HSF2BP: variants seen among roughly 807,000 people sequenced by gnomAD.
HSF2BP encodes the protein heat shock transcription factor 2 binding protein, also known as heat shock factor 2-binding protein.
A neutral mutation model predicts 35.0 loss-of-function variants in HSF2BP; 35 were observed. That is an observed-to-expected ratio of 1.00 (90% CI 0.76 to 1.32). HSF2BP has a LOEUF of 1.32. Among genes scored for constraint, HSF2BP ranks in the 40% most tolerant of loss-of-function variants. HSF2BP has a pLI of 0.00. For missense variants in HSF2BP, 326 were observed against 321.7 expected (o/e 1.01, Z -0.10); for synonymous variants, 114 against 117.4 (o/e 0.97, Z 0.18).
intron 3 of HSF2BP, among the ~76,000 whole-genome samples, chr21:43,654,576 C>T (rs1366100174): frequency 3.3e-5 from 5 of 152,150 alleles, no homozygotes; most frequent in African/African-American, 1.2e-4. Context: ...TGGTCTTCCT[C>T]ACTGCAAAGA....
intron 8 of HSF2BP, among the ~76,000 whole-genome samples, chr21:43,584,986 T>TTTATTTA (rs2081829061): frequency 7.0e-6 from 1 of 142,994 alleles, no homozygotes; most frequent in Admixed American, 6.7e-5. Context: ...CTAGGTATAA[T>TTTATTTA]TTTATTTAAT....
chr21:43,653,534 ACT>A (rs2082825173), intron 3 of HSF2BP, among the ~76,000 whole-genome samples: 1 of 152,180 alleles, frequency 6.6e-6, no homozygotes, highest in African/African-American at 2.4e-5. Context: ...TTAGGCAGTG[ACT>A]CTGAGCCGGG....
chr21:43,658,006 G>T, intron 2 of HSF2BP, 55 bp downstream of exon 2: 1 of 1,534,340 alleles, frequency 6.5e-7, no homozygotes, highest in South Asian at 1.2e-5. Flanking sequence ...GCCCTGAGGG[G>T]AGCGAATGGC....
At chr21:43,595,793 C>T (rs907162463) in intron 7 of HSF2BP, among the ~76,000 whole-genome samples, 1 of 116,594 alleles carries the variant, frequency 8.6e-6, no homozygotes, top group East Asian at 2.8e-4. Flanking sequence ...GGCGCCATCT[C>T]GGCTCACTGC....
intron 7 of HSF2BP, among the ~76,000 whole-genome samples, chr21:43,599,952 C>G (rs1228812442): frequency 1.3e-5 from 2 of 151,562 alleles, no homozygotes; most frequent in African/African-American, 4.9e-5. Context: ...CTAACAGGCT[C>G]CAAAAGAGCA....
At chr21:43,637,475 C>T (rs2082578725) in intron 4 of HSF2BP, among the ~76,000 whole-genome samples, 1 of 135,036 alleles carries the variant, frequency 7.4e-6, no homozygotes, top group Non-Finnish European at 1.5e-5. Flanking sequence ...ATCCAACACT[C>T]AGTAATTATA....
At chr21:43,507,208 A>G in the HSF2BP span, among the ~76,000 whole-genome samples, 9 of 126,838 alleles carry the variant, frequency 7.1e-5, no homozygotes, top group African/African-American at 2.6e-4. Flanking sequence ...AGAAAACCCA[A>G]TTCCCCCTGA....
At chr21:43,618,809 G>C (rs530434792) in intron 6 of HSF2BP, among the ~76,000 whole-genome samples, 1 of 151,676 alleles carries the variant, frequency 6.6e-6, no homozygotes, top group African/African-American at 2.4e-5. Context: ...AGCCAGGCGC[G>C]GTGGCAGGTG....
chr21:43,585,912 GT>G (rs1467306154), intron 8 of HSF2BP, among the ~76,000 whole-genome samples: 2 of 152,206 alleles, frequency 1.3e-5, no homozygotes, highest in African/African-American at 4.8e-5. Flanking sequence ...TTTATTAGAT[GT>G]CCATGTGGAG....
intron 7 of HSF2BP, 43 bp from the exon 8 acceptor site, chr21:43,592,371 C>CTACATT: frequency 1.6e-6 from 2 of 1,285,570 alleles, no homozygotes; most frequent in Non-Finnish European, 2.3e-6. Flanking sequence ...TCCATCCACA[C>CTACATT]TACATTTCAC....
At chr21:43,602,550 A>G (rs967200910) in intron 7 of HSF2BP, among the ~76,000 whole-genome samples, 1 of 152,200 alleles carries the variant, frequency 6.6e-6, no homozygotes, top group Non-Finnish European at 1.5e-5. Context: ...CACCTGGGGA[A>G]GATGCTGGGC....
intron 4 of HSF2BP, among the ~76,000 whole-genome samples, chr21:43,638,724 A>G (rs2082597273): frequency 6.6e-6 from 1 of 152,256 alleles, no homozygotes; most frequent in Non-Finnish European, 1.5e-5. Context: ...TAAAGATATC[A>G]ATTCTCTACA....
Position 43,592,450 on chromosome 21 carries a change from A to G in HSF2BP, c.693-122T>C, listed in dbSNP as rs1294037292. 9.4e-6 allele frequency: 6 copies of G among 635,210 alleles called. No homozygotes were observed. The East Asian group carries it at 1.6e-4, about 17-fold the overall frequency. 39.3% of individuals were successfully genotyped at this position (635,210 alleles called of 1,614,324 possible). A position where few individuals can be genotyped will look rare whatever the true frequency, so the allele number is the denominator to read the frequency against. Reference sequence around the variant, plus strand: ...GCTTCCCTCACATTTTAGATGTCCAATTCTATAATGTGAATTAATAACATC... The same window carrying G: ...GCTTCCCTCACATTTTAGATGTCCAGTTCTATAATGTGAATTAATAACATC... On this transcript the variant is annotated intron_variant, in intron 7 of 8. Transcript: ENST00000291560.
Position 43,656,715 on chromosome 21 carries a change from A to C in HSF2BP, c.59T>G (p.Phe20Cys). The change falls in exon 3 of 9, where the codon TTT (phenylalanine) becomes TGT (cysteine). Residue 20 changes from phenylalanine to cysteine, a missense_variant. Coordinates refer to ENST00000291560, the MANE Select transcript of HSF2BP (RefSeq NM_007031.2). ...CAGATCCTTCTTTCTGACTTTAACA[A>C]ATTCCTCTTTAGTTCCCATGTGCTA... is the stretch of plus-strand genomic sequence containing the variant. ...ACRHMGTKEE[F>C]VKVRKKDLER... The C allele has an allele frequency of 6.2e-7, 1 of 1,613,692 alleles. No individual in the cohort carries two copies. The highest frequency in any genetic ancestry group is 8.5e-7 in the Non-Finnish European group (1 of 1,179,884).
At chr21:43,604,454 CACACACACA>C (rs1202194092) in intron 7 of HSF2BP, among the ~76,000 whole-genome samples, 7 of 133,352 alleles carry the variant, frequency 5.2e-5, no homozygotes, top group African/African-American at 1.7e-4. Flanking sequence ...ACGCACACAC[CACACACACA>C]ACACACAGCA....
chr21:43,599,632 A>T (rs1479908039), intron 7 of HSF2BP, among the ~76,000 whole-genome samples: 2 of 151,974 alleles, frequency 1.3e-5, no homozygotes, highest in Non-Finnish European at 2.9e-5. Context: ...CATCTCTACT[A>T]AAAATACAAA....
chr21:43,609,597 G>A (rs2082178075), intron 7 of HSF2BP, among the ~76,000 whole-genome samples: 1 of 152,102 alleles, frequency 6.6e-6, no homozygotes, highest in Non-Finnish European at 1.5e-5. Context: ...GCAGGGGGAG[G>A]CCAGGAAGAA....
At chr21:43,591,930 T>G (rs896853289) in intron 8 of HSF2BP, among the ~76,000 whole-genome samples, 3 of 152,174 alleles carry the variant, frequency 2.0e-5, no homozygotes, top group African/African-American at 7.2e-5. Context: ...AGCACTGTTG[T>G]CCAAGTAACC....
At chr21:43,582,233 G>A (rs1478881038) in intron 8 of HSF2BP, among the ~76,000 whole-genome samples, 5 of 142,694 alleles carry the variant, frequency 3.5e-5, no homozygotes, top group Admixed American at 6.9e-5. Context: ...TGCTGTGGGG[G>A]ATGAGGGCCT....
Sources: allele counts gnomAD v4.1 joint callset (sites outside exome capture counted in the v4.1 genomes callset), GRCh38; gene constraint gnomAD v4.1.1; transcripts MANE v1.5; gene names NCBI Gene and HGNC (gene_info 2026-07-23, HGNC 2026-07-21).